DNAJC16: variants seen among roughly 807,000 people sequenced by gnomAD.
The protein encoded by DNAJC16 is dnaJ homolog subfamily C member 16.
DNAJC16 carries 76 observed loss-of-function variants against 92.7 expected under a neutral mutation model. That is an observed-to-expected ratio of 0.82 (90% CI 0.68 to 0.99). The LOEUF (loss-of-function observed/expected upper bound fraction) is 0.99. Among genes scored for constraint, DNAJC16 ranks in the 50% least tolerant of loss-of-function variants. The probability of loss-of-function intolerance (pLI) is 0.00; values close to 1 mark genes in which losing one functional copy is unlikely to be tolerated. For missense variants in DNAJC16, 869 were observed against 942.4 expected, an observed-to-expected ratio of 0.92 and a Z score of 1.02; for synonymous variants, 328 against 358.7, an observed-to-expected ratio of 0.91 and a Z score of 0.97.
intron 4 of DNAJC16, 133 bp from the exon 5 acceptor site, chr1:15,544,266 C>G: frequency 1.2e-6 from 1 of 850,836 alleles, no homozygotes. Flanking sequence ...TGAAAGAATG[C>G]TAGACAGTCT....
intron 7 of DNAJC16, among the ~76,000 whole-genome samples, chr1:15,555,649 T>A (rs1570921827): frequency 7.5e-6 from 1 of 132,672 alleles, no homozygotes; most frequent in Non-Finnish European, 1.5e-5. Flanking sequence ...ACCACTGCAC[T>A]CCAGCCTGGG....
rs1483450012 is a variant in DNAJC16, at chr1:15,568,134, C to T, written c.2306C>T (p.Ser769Phe). 1.2e-6 allele frequency: 2 copies of T among 1,613,782 alleles called. No homozygotes were observed. Among genetic ancestry groups the T allele is most frequent in the Admixed American group, 1.7e-5 (1 of 59,978 alleles). ...SLWMERLLEGSLQRFYIPSWP... is the reference protein window; with the variant it reads ...SLWMERLLEGFLQRFYIPSWP... ...TGGATGGAACGCCTGCTGGAGGGCT[C>T]CTTACAGAGGTTTTATATCCCATCA... Residue 769 changes from serine to phenylalanine, a missense_variant, in exon 15 of 15, where the codon TCC (serine) becomes TTC (phenylalanine). Coordinates refer to ENST00000375847, the MANE Select transcript of DNAJC16 (RefSeq NM_015291.4).
chr1:15,564,588 C>G (rs960283299), intron 11 of DNAJC16, among the ~76,000 whole-genome samples: 3 of 149,106 alleles, frequency 2.0e-5, no homozygotes, highest in Non-Finnish European at 3.0e-5. Flanking sequence ...GTCCCCCAGG[C>G]TCAATCTGGG....
At chr1:15,552,323 TAAAAA>T (rs569635595) in intron 7 of DNAJC16, among the ~76,000 whole-genome samples, 1 of 150,312 alleles carries the variant, frequency 6.7e-6, no homozygotes, top group Non-Finnish European at 1.5e-5. Flanking sequence ...CTGTTTCTAC[TAAAAA>T]AAAATACAAA....
chr1:15,567,905 G>A lies in DNAJC16; in HGVS notation c.2077G>A (p.Asp693Asn). The change falls in exon 15 of 15, where the codon GAC (aspartate) becomes AAC (asparagine). Residue 693 changes from aspartate (D) to asparagine (N), a missense_variant. Coordinates refer to ENST00000375847, the MANE Select transcript of DNAJC16 (RefSeq NM_015291.4). ...ATATGATAAGCATTTCATGGAGCGT[G>A]ACTACACTGGTTATGTACTGGCTCT... ...NQYDKHFMERDYTGYVLALNG... is the reference protein window; with the variant it reads ...NQYDKHFMERNYTGYVLALNG... The A allele has an allele frequency of 1.2e-6, 2 of 1,614,214 alleles. No homozygotes were observed. Among genetic ancestry groups the A allele is most frequent in the South Asian group, 2.2e-5 (2 of 91,082 alleles).
At chr1:15,534,327 C>T in intron 3 of DNAJC16, 24 bp downstream of exon 3, 1 of 1,610,808 alleles carries the variant, frequency 6.2e-7, no homozygotes, top group South Asian at 1.1e-5. Context: ...CTTTGTGATG[C>T]ATCCATTAGC....
chr1:15,541,407 T>A (rs972756192), intron 4 of DNAJC16, among the ~76,000 whole-genome samples: 3 of 152,210 alleles, frequency 2.0e-5, no homozygotes, highest in African/African-American at 4.8e-5. Context: ...CCAATTTGGA[T>A]TCTTGTTCTG....
intron 13 of DNAJC16, among the ~76,000 whole-genome samples, chr1:15,566,879 A>G (rs1638822133): frequency 1.3e-5 from 2 of 152,180 alleles, no homozygotes; most frequent in Admixed American, 6.5e-5. Flanking sequence ...GCAAGAACCT[A>G]TCTCAAAAAG....
At chr1:15,567,728 T>C in intron 14 of DNAJC16, 50 bp from the exon 15 acceptor site, 2 of 1,542,080 alleles carry the variant, frequency 1.3e-6, no homozygotes, top group Non-Finnish European at 1.8e-6. Flanking sequence ...TTCTCAGCAA[T>C]TAAATGTGTC....
intron 7 of DNAJC16, among the ~76,000 whole-genome samples, chr1:15,552,046 T>G (rs1406238587): frequency 6.6e-6 from 1 of 151,476 alleles, no homozygotes; most frequent in East Asian, 2.0e-4. Flanking sequence ...AAAAAATTTT[T>G]TTTGTTTGAG....
At chr1:15,528,451 A>G (rs1710574973) in intron 1 of DNAJC16, among the ~76,000 whole-genome samples, 1 of 152,142 alleles carries the variant, frequency 6.6e-6, no homozygotes, top group African/African-American at 2.4e-5. Flanking sequence ...AAAACAAAAA[A>G]ACACCATATT....
rs1299806965 is a variant in DNAJC16 at position 15,571,570 on chromosome 1, T to C, written c.*3393T>C. ...GAAGGTGAATATTTTGCACTTTTGA[T>C]ACTCTTAGGAACAAATAACTTATTT... On this transcript the variant is annotated 3_prime_UTR_variant, in exon 15 of 15. Transcript: ENST00000375847. 1 of 152,696 alleles carries C rather than the reference T, an allele frequency of 6.5e-6. No individual in the cohort carries two copies. Among genetic ancestry groups the C allele is most frequent in the African/African-American group, 2.4e-5 (1 of 41,472 alleles). The allele number at this position is 152,696 out of a possible 1,614,324, so 9.5% of individuals were successfully genotyped here.
chr1:15,565,670 T>C (rs1486156790), intron 11 of DNAJC16: 5 of 495,748 alleles, frequency 1.0e-5, no homozygotes, highest in East Asian at 3.5e-5. Context: ...GCAGAACTTA[T>C]TGAGCATAGC....
chr1:15,535,239 G>A (rs887821682), intron 3 of DNAJC16, among the ~76,000 whole-genome samples: 1 of 152,204 alleles, frequency 6.6e-6, no homozygotes, highest in African/African-American at 2.4e-5. Context: ...AACTCACCAG[G>A]TATGACCAGG....
At position 15,568,395 on chromosome 1, in the gene DNAJC16, T is replaced by C; in HGVS notation, c.*218T>C. ...CTAGATGAAAATCTTTTCCTCTGGG[T>C]GTTATTTTTCCCCACTGAATGCCAC... On this transcript the variant is annotated 3_prime_UTR_variant, in exon 15 of 15. Transcript: ENST00000375847. 1.8e-6 allele frequency: 1 copy of C among 548,698 alleles called. No individual in the cohort carries two copies. The highest frequency in any genetic ancestry group is 3.2e-6 in the Non-Finnish European group (1 of 313,898). The allele number at this position is 548,698 out of a possible 1,614,324, so 34.0% of individuals were successfully genotyped here.
At chr1:15,556,570 C>T (rs1054558269) in intron 7 of DNAJC16, among the ~76,000 whole-genome samples, 2 of 152,236 alleles carry the variant, frequency 1.3e-5, no homozygotes, top group African/African-American at 4.8e-5. Flanking sequence ...CCTTGCTAAA[C>T]TCTTCTATTA....
At chr1:15,528,974 C>T in intron 1 of DNAJC16, 114 bp from the exon 2 acceptor site, 1 of 901,324 alleles carries the variant, frequency 1.1e-6, no homozygotes, top group South Asian at 2.2e-5. Flanking sequence ...ACTTTTCCTG[C>T]AAAATACCTT....
At chr1:15,550,770 C>T (rs1434667914) in intron 7 of DNAJC16, among the ~76,000 whole-genome samples, 1 of 152,228 alleles carries the variant, frequency 6.6e-6, no homozygotes, top group East Asian at 1.9e-4. Context: ...AGTGCCAGTG[C>T]ATGAATCCAG....
intron 6 of DNAJC16, among the ~76,000 whole-genome samples, chr1:15,547,488 G>C (rs1638338831): frequency 6.7e-6 from 1 of 148,826 alleles, no homozygotes. Flanking sequence ...TGTTGCCCAT[G>C]CTGGAGTGCA....
Sources: allele counts gnomAD v4.1 joint callset (sites outside exome capture counted in the v4.1 genomes callset), GRCh38; gene constraint gnomAD v4.1.1; transcripts MANE v1.5; gene names NCBI Gene and HGNC (gene_info 2026-07-23, HGNC 2026-07-21).